The following XKR4 variants were observed in gnomAD, a reference collection of about 807,000 sequenced individuals.
The protein encoded by XKR4 is XK related 4.
XKR4 carries 12 observed loss-of-function variants against 53.9 expected under a neutral mutation model. The observed-to-expected ratio is 0.22, with a 90% CI of 0.14 to 0.36. The LOEUF is 0.36. Among genes scored for constraint, XKR4 ranks in the 10% least tolerant of loss-of-function variants. The pLI, the probability that XKR4 is intolerant of heterozygous loss-of-function variation, is 1.00. For missense variants in XKR4, 799 were observed against 859.5 expected, an observed-to-expected ratio of 0.93 and a Z score of 0.88; for synonymous variants, 354 against 362.4, an observed-to-expected ratio of 0.98 and a Z score of 0.26.
chr8:55,109,359 A>G (rs993963819), intron 1 of XKR4, among the ~76,000 whole-genome samples: 3 of 152,114 alleles, frequency 2.0e-5, no homozygotes, highest in African/African-American at 7.2e-5. Flanking sequence ...TTTTTTGTGG[A>G]TGAAAGAAGT....
intron 1 of XKR4, among the ~76,000 whole-genome samples, chr8:55,148,126 C>A (rs776988906): frequency 1.6e-4 from 24 of 152,160 alleles, no homozygotes; most frequent in Non-Finnish European, 3.5e-4. Context: ...TCCATAAATA[C>A]AGAGCTCTGA....
rs563894282 is a variant in XKR4 at position 55,153,739 on chromosome 8, G to C, written c.806+50445G>C. ...GTGCCCAGTGCTGATATCCTCCTGG[G>C]CATGGAGACAGAGATCAAGTGCTTG... is the stretch of plus-strand genomic sequence containing the variant. On this transcript the variant is annotated intron_variant, in intron 1 of 2. Transcript: ENST00000327381. Among the ~76,000 whole-genome samples the C allele has an allele frequency of 1.8e-4, 28 of 152,282 alleles. No homozygotes were observed. The South Asian group carries it at 5.8e-3, about 32-fold the overall frequency.
At chr8:55,295,896 T>C (rs1262716896) in intron 1 of XKR4, among the ~76,000 whole-genome samples, 1 of 152,254 alleles carries the variant, frequency 6.6e-6, no homozygotes, top group Non-Finnish European at 1.5e-5. Flanking sequence ...TTTATTATTT[T>C]GTACTCCACA....
At chr8:55,407,814 G>A (rs186981000) in intron 2 of XKR4, among the ~76,000 whole-genome samples, 1 of 152,234 alleles carries the variant, frequency 6.6e-6, no homozygotes, top group East Asian at 1.9e-4. Flanking sequence ...TTCCATATGG[G>A]GATTTTTGCT....
chr8:55,416,227 A>C lies in XKR4; in HGVS notation c.1006+58350A>C, dbSNP rs184481301. Among the ~76,000 whole-genome samples the C allele has an allele frequency of 3.3e-4, 50 of 152,346 alleles. No individual in the cohort carries two copies. In the East Asian group the frequency reaches 9.0e-3, roughly 28 times the overall value. On this transcript the variant is annotated intron_variant, in intron 2 of 2. Coordinates refer to ENST00000327381, the MANE Select transcript of XKR4 (RefSeq NM_052898.2). ...AAAAGTCCATAGGTAATAAAGCTAC[A>C]GAGTATGGAAAAGAGAAAGCTCTGA...
chr8:55,351,819 A>G (rs1803727680), intron 1 of XKR4, among the ~76,000 whole-genome samples: 1 of 152,194 alleles, frequency 6.6e-6, no homozygotes, highest in Non-Finnish European at 1.5e-5. Context: ...TTTATTTTCC[A>G]TACAATAACC....
chr8:55,464,245 A>G (rs1805717071), intron 2 of XKR4, among the ~76,000 whole-genome samples: 3 of 152,248 alleles, frequency 2.0e-5, no homozygotes, highest in South Asian at 4.1e-4. Flanking sequence ...CTGACAAACC[A>G]AATCCAGCAA....
At chr8:55,507,615 T>C (rs1049531471) in intron 2 of XKR4, among the ~76,000 whole-genome samples, 3 of 152,126 alleles carry the variant, frequency 2.0e-5, no homozygotes, top group Non-Finnish European at 4.4e-5. Flanking sequence ...TTTTTGTCCT[T>C]GCGATAGTTT....
chr8:55,450,098 T>TCCCAG, intron 2 of XKR4: 1 of 713,424 alleles, frequency 1.4e-6, no homozygotes, highest in Non-Finnish European at 2.6e-6. Context: ...CGGTCCCAGG[T>TCCCAG]GTCCTTCCAG....
chr8:55,142,174 A>G, intron 1 of XKR4: 1 of 456,018 alleles, frequency 2.2e-6, no homozygotes, highest in Non-Finnish European at 4.4e-6. Flanking sequence ...TGCTCTCCTG[A>G]GCGCTTTGTC....
intron 2 of XKR4, among the ~76,000 whole-genome samples, chr8:55,433,595 A>G (rs1006187526): frequency 1.3e-5 from 2 of 152,244 alleles, no homozygotes; most frequent in African/African-American, 4.8e-5. Context: ...ACCTCTTCAA[A>G]GGGAAAAACA....
At chr8:55,187,305 C>CAAAAAAAAA (rs1168014848) in intron 1 of XKR4, among the ~76,000 whole-genome samples, 12 of 95,842 alleles carry the variant, frequency 1.3e-4, no homozygotes, top group Admixed American at 2.4e-4. Flanking sequence ...TTTCCAGGAC[C>CAAAAAAAAA]AAAAAAAAAA....
Position 55,478,055 on chromosome 8 carries a change from C to T in XKR4, c.1007-45226C>T, listed in dbSNP as rs201570719. Among the ~76,000 whole-genome samples the T allele has an allele frequency of 3.3e-3, 500 of 152,092 alleles. 2 individuals are homozygous for T. The highest frequency in any genetic ancestry group is 5.5e-3 in the Non-Finnish European group (373 of 68,020). On this transcript the variant is annotated intron_variant, in intron 2 of 2. Coordinates refer to ENST00000327381, the MANE Select transcript of XKR4 (RefSeq NM_052898.2). ...ATTCAGATTCAGAAAATACAGAGAA[C>T]GCCACAAAGATACTCCTCGAGAAGA...
At chr8:55,371,165 G>A (rs768891567) in intron 2 of XKR4, among the ~76,000 whole-genome samples, 9 of 151,330 alleles carry the variant, frequency 5.9e-5, no homozygotes, top group Admixed American at 1.3e-4. Context: ...AATCAGGAAA[G>A]TTTTTGTGAA....
intron 2 of XKR4, among the ~76,000 whole-genome samples, chr8:55,410,177 C>G (rs550500916): frequency 3.9e-5 from 6 of 152,286 alleles, no homozygotes; most frequent in Middle Eastern, 3.4e-3. Context: ...GACTCACCCC[C>G]CTTCTGGCTG....
intron 1 of XKR4, among the ~76,000 whole-genome samples, chr8:55,283,849 A>G (rs895804744): frequency 3.3e-5 from 5 of 152,216 alleles, no homozygotes; most frequent in East Asian, 1.9e-4. Flanking sequence ...TCATTTCACA[A>G]TGATGCTACT....
intron 2 of XKR4, among the ~76,000 whole-genome samples, chr8:55,472,445 T>C (rs983914340): frequency 7.2e-5 from 11 of 152,144 alleles, no homozygotes; most frequent in Non-Finnish European, 1.3e-4. Context: ...ATGCTGACTA[T>C]TATTAGTATG....
intron 2 of XKR4, chr8:55,451,160 G>A: frequency 1.9e-6 from 1 of 536,228 alleles, no homozygotes; most frequent in South Asian, 2.1e-5. Flanking sequence ...CCGGGTCGGG[G>A]GCCGGGGGAC....
At chr8:55,156,210 G>A (rs68170294) in intron 1 of XKR4, among the ~76,000 whole-genome samples, 26,935 of 151,790 alleles carry the variant, frequency 0.18, 2,715 homozygotes, top group East Asian at 0.26. Flanking sequence ...TGTGTATTTG[G>A]TGGGGGGCGG....
Sources: allele counts gnomAD v4.1 joint callset (sites outside exome capture counted in the v4.1 genomes callset), GRCh38; gene constraint gnomAD v4.1.1; transcripts MANE v1.5; gene names NCBI Gene and HGNC (gene_info 2026-07-23, HGNC 2026-07-21).